Variants in CHLSN observed in about 807,000 individuals in gnomAD.
CHLSN encodes the protein cholesin.
chr7:1,026,915 G>A, the CHLSN span: 1 of 152,244 alleles, frequency 6.6e-6, no homozygotes, highest in African/African-American at 2.4e-5. Context: ...GGAAACTGCA[G>A]GGCTTTGAGT....
chr7:1,081,552 C>T, the CHLSN span, among the ~76,000 whole-genome samples: 53,916 of 152,204 alleles, frequency 0.35, 9,723 homozygotes, highest in African/African-American at 0.38. Flanking sequence ...GCATCCGCCA[C>T]GCGGACGGGG....
the CHLSN span, among the ~76,000 whole-genome samples, chr7:985,724 T>C: frequency 6.6e-6 from 1 of 152,216 alleles, no homozygotes; most frequent in Non-Finnish European, 1.5e-5. Context: ...ACCCCTCTGA[T>C]GTTTGGAACT....
the CHLSN span, chr7:986,614 T>G: frequency 6.2e-7 from 1 of 1,612,458 alleles, no homozygotes; most frequent in African/African-American, 1.3e-5. Context: ...TCCTCCTGCC[T>G]CCTGCCCAGC....
At chr7:1,047,911 T>A in the CHLSN span, among the ~76,000 whole-genome samples, 1,820 of 152,324 alleles carry the variant, frequency 0.012, 33 homozygotes, top group African/African-American at 0.038. Flanking sequence ...CGTCACTGAA[T>A]ACATCCCCTT....
chr7:1,112,604 G>A, the CHLSN span, among the ~76,000 whole-genome samples: 1 of 151,848 alleles, frequency 6.6e-6, no homozygotes, highest in Non-Finnish European at 1.5e-5. Context: ...CACATATCAC[G>A]AGCCTTGGAA....
the CHLSN span, among the ~76,000 whole-genome samples, chr7:1,083,395 C>T: frequency 2.0e-5 from 3 of 151,936 alleles, no homozygotes; most frequent in Admixed American, 1.3e-4. Flanking sequence ...GAGGGTGAGG[C>T]GGGTGGATCA....
At chr7:1,092,259 C>G in the CHLSN span, 3 of 1,612,298 alleles carry the variant, frequency 1.9e-6, no homozygotes, top group Non-Finnish European at 2.5e-6. Context: ...CCCGGCTGAG[C>G]TGTGGCCTCA....
the CHLSN span, chr7:1,092,010 C>T: frequency 8.7e-6 from 14 of 1,614,066 alleles, no homozygotes; most frequent in South Asian, 4.4e-5. Context: ...TGACCATCCC[C>T]GACCTGTACT....
the CHLSN span, among the ~76,000 whole-genome samples, chr7:1,107,297 C>A: frequency 6.6e-6 from 1 of 152,152 alleles, no homozygotes; most frequent in African/African-American, 2.4e-5. Context: ...GATGCGCTCA[C>A]AGACACCCAG....
chr7:1,070,417 G>A, the CHLSN span, among the ~76,000 whole-genome samples: 2 of 118,442 alleles, frequency 1.7e-5, no homozygotes, highest in East Asian at 4.2e-4. Flanking sequence ...GCCTCTGCCC[G>A]GCCGCCCCTA....
At chr7:1,099,269 G>A in the CHLSN span, among the ~76,000 whole-genome samples, 1 of 152,220 alleles carries the variant, frequency 6.6e-6, no homozygotes, top group Non-Finnish European at 1.5e-5. Flanking sequence ...TCCCCTTCCG[G>A]AGCCTCGCTG....
At chr7:1,035,601 C>T in the CHLSN span, among the ~76,000 whole-genome samples, 5 of 152,228 alleles carry the variant, frequency 3.3e-5, no homozygotes, top group Non-Finnish European at 7.3e-5. Flanking sequence ...GCACCGCACA[C>T]CTGTCACGAT....
the CHLSN span, among the ~76,000 whole-genome samples, chr7:996,834 G>C: frequency 6.6e-6 from 1 of 152,210 alleles, no homozygotes; most frequent in African/African-American, 2.4e-5. Flanking sequence ...CGGCCTGAAC[G>C]CAAGCGATCA....
chr7:1,118,277 G>A, the CHLSN span, among the ~76,000 whole-genome samples: 2 of 152,146 alleles, frequency 1.3e-5, no homozygotes, highest in Admixed American at 6.5e-5. Context: ...AAACAAAGAC[G>A]GCATGAACAC....
chr7:1,016,842 CCAGCACACAG>C, the CHLSN span, among the ~76,000 whole-genome samples: 10 of 112,854 alleles, frequency 8.9e-5, no homozygotes, highest in Middle Eastern at 5.1e-3. Flanking sequence ...GCAGCGCACG[CCAGCACACAG>C]CAGCACACAG....
At chr7:1,117,869 T>G in the CHLSN span, among the ~76,000 whole-genome samples, 1 of 152,234 alleles carries the variant, frequency 6.6e-6, no homozygotes, top group Non-Finnish European at 1.5e-5. Flanking sequence ...AGACCAGGTC[T>G]TGCTACATTG....
the CHLSN span, among the ~76,000 whole-genome samples, chr7:1,035,274 T>G: frequency 1.3e-5 from 2 of 152,220 alleles, no homozygotes; most frequent in East Asian, 3.8e-4. Context: ...TTGTGAACAG[T>G]GCTGGGCTGG....
chr7:986,382 T>G, the CHLSN span: 1 of 566,170 alleles, frequency 1.8e-6, no homozygotes, highest in Non-Finnish European at 3.2e-6. Flanking sequence ...CTCTCCAGGA[T>G]GGAAGGAGGT....
At chr7:1,000,421 G>A in the CHLSN span, 1 of 1,154,444 alleles carries the variant, frequency 8.7e-7, no homozygotes, top group Non-Finnish European at 1.2e-6. Flanking sequence ...GCCCCGCCGT[G>A]CACAGACCTC....
Sources: allele counts gnomAD v4.1 joint callset (sites outside exome capture counted in the v4.1 genomes callset), GRCh38; gene constraint gnomAD v4.1.1; transcripts MANE v1.5; gene names NCBI Gene and HGNC (gene_info 2026-07-23, HGNC 2026-07-21).